RBM39: variants seen among roughly 807,000 people sequenced by gnomAD.
The protein encoded by RBM39 is RNA binding motif protein 39.
Under a neutral mutation model 79.6 loss-of-function variants are expected in RBM39, and 12 were observed. That is an observed-to-expected ratio of 0.15 (90% CI 0.10 to 0.24). The LOEUF (loss-of-function observed/expected upper bound fraction) is 0.24, where lower values mean the gene tolerates loss of function less well. Among genes scored for constraint, RBM39 ranks in the 10% least tolerant of loss-of-function variants. The pLI is 1.00. For synonymous variants in RBM39, 185 were observed against 208.4 expected (o/e 0.89, Z 0.97); for missense variants, 243 against 653.4 (o/e 0.37, Z 6.85).
rs117439579 is a variant in RBM39 at position 35,705,523 on chromosome 20, C to A, written c.1308-193G>T. Reference sequence around the variant, plus strand: ...AAAATAAATTTTCAATGAGGCCGGGCGCGGTGACTCATGCCTGTAATCCCA... The same window carrying A: ...AAAATAAATTTTCAATGAGGCCGGGAGCGGTGACTCATGCCTGTAATCCCA... On this transcript the variant is annotated intron_variant, in intron 14 of 16. Coordinates refer to ENST00000253363, the MANE Select transcript of RBM39 (RefSeq NM_184234.3). 2.3e-5 allele frequency: 10 copies of A among 442,090 alleles called. No individual in the cohort carries two copies. The East Asian group carries it at 2.9e-4, about 13-fold the overall frequency. The allele number at this position is 442,090 out of a possible 1,614,324, so 27.4% of individuals were successfully genotyped here. A position where few individuals can be genotyped will look rare whatever the true frequency, so the allele number is the denominator to read the frequency against.
chr20:35,718,315 AAGG>A (rs921152810), intron 9 of RBM39, among the ~76,000 whole-genome samples: 3 of 152,278 alleles, frequency 2.0e-5, no homozygotes, highest in Middle Eastern at 3.4e-3. Flanking sequence ...GCCTCTAGAA[AAGG>A]AGTAGTCGTG....
Position 35,724,727 on chromosome 20 carries a change from AAAG to A in RBM39, c.535-8_535-6del. The A allele has an allele frequency of 3.7e-6, 6 of 1,613,550 alleles. No homozygotes were observed. Among genetic ancestry groups the A allele is most frequent in the Non-Finnish European group, 4.2e-6 (5 of 1,179,586 alleles). On this transcript the variant is annotated splice_polypyrimidine_tract_variant and splice_region_variant and intron_variant, in intron 7 of 16. Transcript: ENST00000253363. ...AATCATCCTCACATCTCGAACCTAGAAAGAAAACACAGTTGTTTGTGCAAACAT... is the reference window on the plus strand; with the variant it reads ...AATCATCCTCACATCTCGAACCTAGAAAAACACAGTTGTTTGTGCAAACAT...
intron 9 of RBM39, among the ~76,000 whole-genome samples, chr20:35,717,522 C>A (rs2037301047): frequency 6.6e-6 from 1 of 152,026 alleles, no homozygotes; most frequent in Non-Finnish European, 1.5e-5. Context: ...TCCAATTATA[C>A]CAGACAGAAT....
chr20:35,705,063 T>G, intron 15 of RBM39, 162 bp downstream of exon 15: 2 of 618,000 alleles, frequency 3.2e-6, no homozygotes, highest in Non-Finnish European at 5.7e-6. Flanking sequence ...TTTTCTTTTA[T>G]TTTGGAGGGT....
Position 35,707,131 on chromosome 20 carries a change from A to G in RBM39, c.1296T>C (p.Phe432=). The change falls in exon 14 of 17, where the codon TTT becomes TTC. Residue 432 remains phenylalanine (F), a synonymous_variant. Coordinates refer to ENST00000253363, the MANE Select transcript of RBM39 (RefSeq NM_184234.3). The part of the protein sequence containing the change: ...ATQCFQLSNM[F]NPQTEEEVGW... ...AGTCCATTACTTACGTTTGAGGGTTAAACATGTTAGAGAGTTGGAAACATT... is the reference window on the plus strand; with the variant it reads ...AGTCCATTACTTACGTTTGAGGGTTGAACATGTTAGAGAGTTGGAAACATT... The G allele has an allele frequency of 6.3e-7, 1 of 1,593,604 alleles. No individual in the cohort carries two copies. Among genetic ancestry groups the G allele is most frequent in the Non-Finnish European group, 8.6e-7 (1 of 1,163,964 alleles).
At chr20:35,739,131 T>C in intron 2 of RBM39, 114 bp from the exon 3 acceptor site, 2 of 897,666 alleles carry the variant, frequency 2.2e-6, no homozygotes, top group Middle Eastern at 4.5e-4. Context: ...AACTAATTAT[T>C]TACTTATAGT....
intron 6 of RBM39, among the ~76,000 whole-genome samples, chr20:35,728,605 C>T (rs756149249): frequency 1.4e-4 from 21 of 151,976 alleles, no homozygotes; most frequent in Non-Finnish European, 1.5e-4. Context: ...GGTGAAACCC[C>T]GTCTCTACTT....
At position 35,702,806 on chromosome 20, in the gene RBM39, G is replaced by A. The variant is rs1338156101; in HGVS notation, c.*1675C>T. 1.3e-5 allele frequency: 2 copies of A among 151,902 alleles called. No individual in the cohort carries two copies. Among genetic ancestry groups the A allele is most frequent in the Admixed American group, 1.3e-4 (2 of 15,174 alleles). 9.4% of individuals were successfully genotyped at this position (151,902 alleles called of 1,614,324 possible). On this transcript the variant is annotated 3_prime_UTR_variant, in exon 17 of 17. Coordinates refer to ENST00000253363, the MANE Select transcript of RBM39 (RefSeq NM_184234.3). ...GGCACGGTGGTGCGCACCTGTCCCAGCTCTTCAGGAGACTGAGGTGGGAGA... is the reference window on the plus strand; with the variant it reads ...GGCACGGTGGTGCGCACCTGTCCCAACTCTTCAGGAGACTGAGGTGGGAGA...
chr20:35,732,138 G>A lies in RBM39; in HGVS notation c.102-3C>T. The A allele has an allele frequency of 6.2e-7, 1 of 1,612,844 alleles. No individual in the cohort carries two copies. Among genetic ancestry groups the A allele is most frequent in the Non-Finnish European group, 8.5e-7 (1 of 1,179,782 alleles). ...TTCTGCTCTTGCTTTTTTTCCTCCT[G>A]AGAAGAAAAAAACTCGCCATTATCA... On this transcript the variant is annotated splice_region_variant and splice_polypyrimidine_tract_variant and intron_variant, in intron 3 of 16. Coordinates refer to ENST00000253363, the MANE Select transcript of RBM39 (RefSeq NM_184234.3).
intron 4 of RBM39, among the ~76,000 whole-genome samples, chr20:35,730,032 T>C (rs1435058808): frequency 6.6e-6 from 1 of 152,214 alleles, no homozygotes; most frequent in Admixed American, 6.5e-5. Flanking sequence ...TTTTAAAAAC[T>C]AAAGTGAATT....
chr20:35,740,686 T>C, intron 2 of RBM39, 138 bp downstream of exon 2: 1 of 1,316,650 alleles, frequency 7.6e-7, no homozygotes, highest in Non-Finnish European at 1.1e-6. Flanking sequence ...ATATTTACTT[T>C]TGTAAGTTAC....
chr20:35,738,430 T>G (rs1028744501), intron 3 of RBM39, among the ~76,000 whole-genome samples: 1 of 152,216 alleles, frequency 6.6e-6, no homozygotes, highest in Non-Finnish European at 1.5e-5. Flanking sequence ...CCCACCCTGT[T>G]AAGTCTAGAG....
chr20:35,721,966 T>A lies in RBM39; in HGVS notation c.688-89A>T, dbSNP rs1441110397. The A allele has an allele frequency of 4.7e-5, 67 of 1,437,120 alleles. No homozygotes were observed. In the East Asian group the frequency reaches 1.5e-3, roughly 33 times the overall value. 89.0% of individuals were successfully genotyped at this position (1,437,120 alleles called of 1,614,324 possible). On this transcript the variant is annotated intron_variant, in intron 8 of 16. Coordinates refer to ENST00000253363, the MANE Select transcript of RBM39 (RefSeq NM_184234.3). The stretch of plus-strand genomic sequence containing the variant: ...ATTTGCATAACAACTAATGTTAAAG[T>A]TTAGAGTGATAAAAATACTACCCTA...
At chr20:35,725,809 G>T (rs2038608591) in intron 6 of RBM39, among the ~76,000 whole-genome samples, 1 of 151,604 alleles carries the variant, frequency 6.6e-6, no homozygotes, top group Non-Finnish European at 1.5e-5. Context: ...GACTACAGGC[G>T]CCTGCCACCA....
intron 10 of RBM39, 77 bp downstream of exon 10, chr20:35,716,663 G>C (rs1005315395): frequency 6.8e-6 from 6 of 879,328 alleles, no homozygotes; most frequent in Non-Finnish European, 1.1e-5. Flanking sequence ...AGGAGCTAGA[G>C]ACTAATCTGA....
Position 35,732,026 on chromosome 20 carries a change from T to C in RBM39, c.211A>G (p.Arg71Gly), listed in dbSNP as rs2039422209. Residue 71 changes from arginine to glycine, a missense_variant, in exon 4 of 17, where the codon AGA (arginine) becomes GGA (glycine). Arg to Gly is a moderately radical substitution (Grantham distance 125, BLOSUM62 -2). This residue lies in a region of RBM39 where 115 missense variants were observed against 184.1 expected (regional missense o/e 0.62). Coordinates refer to ENST00000253363, the MANE Select transcript of RBM39 (RefSeq NM_184234.3). ...RERKKSKSRE[R>G]KRSRSKERRR... Reference sequence around the variant, plus strand: ...CTCTCTTTGCTTCTACTTCGCTTTCTTTCACGGCTTTTGCTCTTTTTCCTT... The same window carrying C: ...CTCTCTTTGCTTCTACTTCGCTTTCCTTCACGGCTTTTGCTCTTTTTCCTT... The C allele has an allele frequency of 6.2e-7, 1 of 1,614,174 alleles. No homozygotes were observed. Among genetic ancestry groups the C allele is most frequent in the Non-Finnish European group, 8.5e-7 (1 of 1,180,022 alleles).
At position 35,703,730 on chromosome 20, in the gene RBM39, T is replaced by C. The variant is rs745453168; in HGVS notation, c.*751A>G. 1.3e-5 allele frequency: 2 copies of C among 152,638 alleles called. No homozygotes were observed. The highest frequency in any genetic ancestry group is 4.8e-5 in the African/African-American group (2 of 41,450). 9.5% of individuals were successfully genotyped at this position (152,638 alleles called of 1,614,324 possible). ...AACACACTGAAGTAACCCAAAAATA[T>C]ATTTCAGAGCTCACAGAGCTTAAAA... On this transcript the variant is annotated 3_prime_UTR_variant, in exon 17 of 17. Coordinates refer to ENST00000253363, the MANE Select transcript of RBM39 (RefSeq NM_184234.3).
intron 3 of RBM39, chr20:35,734,667 T>C (rs951954740): frequency 1.0e-5 from 5 of 488,498 alleles, no homozygotes; most frequent in Non-Finnish European, 1.7e-5. Context: ...TAAGGTCTTC[T>C]AGGACTTTTT....
chr20:35,715,453 G>T (rs749076777), intron 10 of RBM39, among the ~76,000 whole-genome samples: 1 of 152,100 alleles, frequency 6.6e-6, no homozygotes, highest in Non-Finnish European at 1.5e-5. Context: ...TGGCATCACA[G>T]GCGTGAGCCA....
Sources: gnomAD v4.1 joint callset for allele counts (sites outside exome capture counted in the v4.1 genomes callset) on GRCh38, gnomAD v4.1.1 for gene constraint, gnomAD v4.1.1 regional missense constraint, MANE v1.5 for transcripts, NCBI Gene and HGNC (gene_info 2026-07-23, HGNC 2026-07-21) for gene names.